The following ALDH8A1 variants were observed in gnomAD, a reference collection of about 807,000 sequenced individuals.
The protein encoded by ALDH8A1 is 2-aminomuconic semialdehyde dehydrogenase.
A neutral mutation model predicts 43.3 loss-of-function variants in ALDH8A1; 39 were observed. The ratio of observed to expected loss-of-function variants is 0.90; its 90% CI spans 0.70 to 1.18. The LOEUF is 1.18. ALDH8A1 is among the 50% of genes most tolerant of loss of function. ALDH8A1 has a pLI of 0.00. For missense variants in ALDH8A1, 605 were observed against 622.6 expected (o/e 0.97, Z 0.30); for synonymous variants, 233 against 243.5 (o/e 0.96, Z 0.40).
chr6:134,940,227 AAAAAAAAT>A, intron 3 of ALDH8A1: 1 of 356,582 alleles, frequency 2.8e-6, no homozygotes. Flanking sequence ...TGGAACTTCA[AAAAAAAAT>A]AAAAAATAAA....
chr6:134,941,682 G>A (rs1583034757), intron 3 of ALDH8A1, among the ~76,000 whole-genome samples: 2 of 151,896 alleles, frequency 1.3e-5, no homozygotes, highest in East Asian at 2.0e-4. Context: ...GAGCCACCGC[G>A]CCCGGTGAAT....
At chr6:134,940,321 T>A (rs933034307) in intron 3 of ALDH8A1, 1 of 195,158 alleles carries the variant, frequency 5.1e-6, no homozygotes, top group Admixed American at 5.8e-5. Flanking sequence ...GCTTTACTTT[T>A]TCAAAAATGT....
rs751359207 is a variant in ALDH8A1 at position 134,918,681 on chromosome 6, C to A, written c.1198G>T (p.Val400Phe). ...ACCTCCTCTTCACTATCAAAGGGGA[C>A]GACACACGTCACTGGACCAAATATC... ...EEIFGPVTCV[V>F]PFDSEEEVIE... The change falls in exon 7 of 7, where the codon GTC (valine) becomes TTC (phenylalanine). Residue 400 changes from valine (V) to phenylalanine (F), a missense_variant. Physicochemically the swap from Val to Phe is conservative, Grantham distance 50. Transcript: ENST00000265605. 2 of 1,614,152 alleles carry A rather than the reference C, an allele frequency of 1.2e-6. No homozygotes were observed. Among genetic ancestry groups the A allele is most frequent in the Non-Finnish European group, 1.7e-6 (2 of 1,180,024 alleles).
At chr6:134,946,736 A>G (rs1215336834) in intron 1 of ALDH8A1, among the ~76,000 whole-genome samples, 3 of 152,086 alleles carry the variant, frequency 2.0e-5, no homozygotes, top group Non-Finnish European at 1.5e-5. Flanking sequence ...TTATAACTGC[A>G]ATGCTATAAT....
intron 1 of ALDH8A1, among the ~76,000 whole-genome samples, chr6:134,948,718 G>A (rs1773995334): frequency 6.6e-6 from 1 of 152,202 alleles, no homozygotes. Context: ...ATATTTGGAA[G>A]TTGGATTGCT....
At chr6:134,940,546 G>T (rs940622628) in intron 3 of ALDH8A1, among the ~76,000 whole-genome samples, 5 of 152,130 alleles carry the variant, frequency 3.3e-5, no homozygotes, top group African/African-American at 1.2e-4. Flanking sequence ...ATCCATTTTG[G>T]CTATTTAGAA....
chr6:134,918,658 C>G lies in ALDH8A1; in HGVS notation c.1221G>C (p.Glu407Asp). 1 of 1,614,168 alleles carries G rather than the reference C, an allele frequency of 6.2e-7. No individual in the cohort carries two copies. The highest frequency in any genetic ancestry group is 1.1e-5 in the South Asian group (1 of 91,082). Residue 407 changes from glutamate to aspartate, a missense_variant, in exon 7 of 7, where the codon GAG becomes GAC. Coordinates refer to ENST00000265605, the MANE Select transcript of ALDH8A1 (RefSeq NM_022568.4). ...TAACGTTGTTGGCTCTTTCAATCAC[C>G]TCCTCTTCACTATCAAAGGGGACGA... is the stretch of plus-strand genomic sequence containing the variant. Reference protein sequence around the residue: ...TCVVPFDSEEEVIERANNVKY... With the variant: ...TCVVPFDSEEDVIERANNVKY...
chr6:134,929,555 A>G (rs1414450556), intron 5 of ALDH8A1, among the ~76,000 whole-genome samples: 46 of 152,166 alleles, frequency 3.0e-4, no homozygotes, highest in Non-Finnish European at 4.3e-4. Flanking sequence ...GGATATTTGC[A>G]TGGAATCTTG....
intron 1 of ALDH8A1, among the ~76,000 whole-genome samples, chr6:134,948,583 G>A (rs749009478): frequency 3.3e-5 from 5 of 152,056 alleles, no homozygotes; most frequent in Admixed American, 6.6e-5. Flanking sequence ...TTGAATAAAC[G>A]GGAGCCACTG....
chr6:134,943,830 G>A lies in ALDH8A1; in HGVS notation c.275C>T (p.Ser92Phe). The A allele has an allele frequency of 6.2e-7, 1 of 1,614,152 alleles. No homozygotes were observed. Among genetic ancestry groups the A allele is most frequent in the Non-Finnish European group, 8.5e-7 (1 of 1,180,018 alleles). The change falls in exon 2 of 7, where the codon TCT (serine) becomes TTT (phenylalanine). Residue 92 changes from serine to phenylalanine, a missense_variant. Transcript: ENST00000265605. ...GAGGCAACTCTCACCTTGGTCTTTA[G>A]ACTCGGCCTGGGCAAACTCCTCCAG... ...QSLEEFAQAE[S>F]KDQGKTLALA...
intron 6 of ALDH8A1, among the ~76,000 whole-genome samples, chr6:134,919,881 C>A (rs895497219): frequency 5.9e-5 from 9 of 152,086 alleles, no homozygotes; most frequent in Non-Finnish European, 1.2e-4. Flanking sequence ...TAAATTTGCT[C>A]CAAGTTTGTA....
intron 6 of ALDH8A1, among the ~76,000 whole-genome samples, chr6:134,921,482 C>T (rs1334538053): frequency 6.6e-6 from 1 of 152,220 alleles, no homozygotes; most frequent in Non-Finnish European, 1.5e-5. Flanking sequence ...GATAGAATCC[C>T]CTGCAGGTTA....
chr6:134,937,031 C>T (rs1292643779), intron 4 of ALDH8A1, among the ~76,000 whole-genome samples: 2 of 152,020 alleles, frequency 1.3e-5, no homozygotes, highest in Non-Finnish European at 2.9e-5. Flanking sequence ...CACACACACC[C>T]ACCTACACAC....
chr6:134,949,134 T>G (rs184114527), intron 1 of ALDH8A1, among the ~76,000 whole-genome samples: 1 of 152,188 alleles, frequency 6.6e-6, no homozygotes, highest in Non-Finnish European at 1.5e-5. Flanking sequence ...ATCTAGTTAT[T>G]TGTGCCTTAA....
chr6:134,917,395 G>T lies in ALDH8A1; in HGVS notation c.*1020C>A, dbSNP rs961330459. ...CAAAAATAAGATACATGCCATACTGGTTACTAAAATTGCTTAACATTTATT... is the reference window on the plus strand; with the variant it reads ...CAAAAATAAGATACATGCCATACTGTTTACTAAAATTGCTTAACATTTATT... On this transcript the variant is annotated 3_prime_UTR_variant, in exon 7 of 7. Coordinates refer to ENST00000265605, the MANE Select transcript of ALDH8A1 (RefSeq NM_022568.4). 1 of 152,046 alleles carries T rather than the reference G, an allele frequency of 6.6e-6. No homozygotes were observed. Among genetic ancestry groups the T allele is most frequent in the Non-Finnish European group, 1.5e-5 (1 of 68,002 alleles). 9.4% of individuals were successfully genotyped at this position (152,046 alleles called of 1,614,324 possible).
At chr6:134,942,198 C>A (rs1258879977) in intron 3 of ALDH8A1, 7 of 487,540 alleles carry the variant, frequency 1.4e-5, no homozygotes, top group South Asian at 4.7e-5. Context: ...CCAGCCTGGG[C>A]GACAGAGCAA....
At chr6:134,920,735 T>A (rs1373738067) in intron 6 of ALDH8A1, among the ~76,000 whole-genome samples, 2 of 151,032 alleles carry the variant, frequency 1.3e-5, no homozygotes, top group African/African-American at 5.0e-5. Context: ...AGATTTTCAA[T>A]AAATTCTGGG....
At chr6:134,929,725 G>A (rs1776949008) in intron 5 of ALDH8A1, among the ~76,000 whole-genome samples, 1 of 152,062 alleles carries the variant, frequency 6.6e-6, no homozygotes, top group Admixed American at 6.5e-5. Flanking sequence ...GGAGGTGTGT[G>A]GTAAGAGAGG....
At chr6:134,947,043 T>C (rs1046490579) in intron 1 of ALDH8A1, among the ~76,000 whole-genome samples, 2 of 152,130 alleles carry the variant, frequency 1.3e-5, no homozygotes, top group Non-Finnish European at 2.9e-5. Flanking sequence ...CATAGACCAG[T>C]GAAACAGAAT....
Sources: gnomAD v4.1 joint callset for allele counts (sites outside exome capture counted in the v4.1 genomes callset) on GRCh38, gnomAD v4.1.1 for gene constraint, MANE v1.5 for transcripts, NCBI Gene and HGNC (gene_info 2026-07-23, HGNC 2026-07-21) for gene names.